The following PCDH15 variants were observed in gnomAD, a reference collection of about 807,000 sequenced individuals.
PCDH15 encodes the protein protocadherin-15.
PCDH15 carries 129 observed loss-of-function variants against 178.5 expected under a neutral mutation model. That is an observed-to-expected ratio of 0.72 (90% CI 0.63 to 0.84). The LOEUF is 0.84. Among genes scored for constraint, PCDH15 ranks in the 40% least tolerant of loss-of-function variants. The probability of loss-of-function intolerance (pLI) is 0.00; values close to 1 mark genes in which losing one functional copy is unlikely to be tolerated. For synonymous variants in PCDH15, 800 were observed against 732.0 expected, an observed-to-expected ratio of 1.09 and a Z score of -1.50; for missense variants, 2,230 against 2,099.9, an observed-to-expected ratio of 1.06 and a Z score of -1.21.
intron 2 of PCDH15, among the ~76,000 whole-genome samples, chr10:55,141,546 A>G (rs1044743665): frequency 6.6e-6 from 1 of 152,120 alleles, no homozygotes; most frequent in African/African-American, 2.4e-5. Context: ...TGCATTTTCT[A>G]ATACTAATTA....
intron 3 of PCDH15, among the ~76,000 whole-genome samples, chr10:54,835,883 T>G (rs866462318): frequency 2.0e-5 from 3 of 152,084 alleles, no homozygotes; most frequent in Admixed American, 1.3e-4. Context: ...AGATACGGTA[T>G]TTTTTTAAAA....
chr10:53,916,803 A>G (rs2083564268), intron 25 of PCDH15, among the ~76,000 whole-genome samples: 1 of 152,128 alleles, frequency 6.6e-6, no homozygotes, highest in Non-Finnish European at 1.5e-5. Context: ...TACATAAATA[A>G]CCAGATTAAA....
At chr10:55,362,659 T>A (rs528842034) in intron 2 of PCDH15, among the ~76,000 whole-genome samples, 1 of 152,060 alleles carries the variant, frequency 6.6e-6, no homozygotes, top group South Asian at 2.1e-4. Context: ...TGTGTGTGTG[T>A]GTGCACATGC....
At chr10:54,291,190 A>G (rs991210591) in intron 8 of PCDH15, among the ~76,000 whole-genome samples, 1 of 152,192 alleles carries the variant, frequency 6.6e-6, no homozygotes, top group African/African-American at 2.4e-5. Flanking sequence ...GCACAACTAC[A>G]AGGAAACTGA....
intron 13 of PCDH15, among the ~76,000 whole-genome samples, chr10:54,173,160 C>G (rs996520462): frequency 1.3e-5 from 2 of 152,102 alleles, no homozygotes; most frequent in African/African-American, 4.8e-5. Flanking sequence ...GTGCTAAACA[C>G]TTAATAATGT....
At chr10:53,960,676 A>G (rs1589635289) in intron 22 of PCDH15, among the ~76,000 whole-genome samples, 1 of 152,208 alleles carries the variant, frequency 6.6e-6, no homozygotes, top group African/African-American at 2.4e-5. Flanking sequence ...AATTCAACCT[A>G]GATCACAGAA....
intron 1 of PCDH15, among the ~76,000 whole-genome samples, chr10:55,194,582 G>C (rs1490105675): frequency 6.6e-6 from 1 of 151,916 alleles, no homozygotes; most frequent in African/African-American, 2.4e-5. Flanking sequence ...TTCAAAGCAA[G>C]GATACTTGCT....
At chr10:53,818,186 A>G (rs1588907803) in intron 33 of PCDH15, 173 bp from the exon 34 acceptor site, 1 of 383,546 alleles carries the variant, frequency 2.6e-6, no homozygotes, top group East Asian at 3.7e-5. Context: ...AAACAGGAAG[A>G]TCATGGTTTC....
chr10:54,867,761 G>A (rs780417966), intron 3 of PCDH15, among the ~76,000 whole-genome samples: 8 of 151,862 alleles, frequency 5.3e-5, no homozygotes, highest in Non-Finnish European at 1.0e-4. Flanking sequence ...CCAAAACATC[G>A]AGTTTATTTC....
intron 1 of PCDH15, among the ~76,000 whole-genome samples, chr10:55,210,661 G>T (rs1353379588): frequency 9.7e-6 from 1 of 103,512 alleles, no homozygotes; most frequent in Non-Finnish European, 1.8e-5. Context: ...ACGGAATCTC[G>T]CTCTGTCGCC....
intron 2 of PCDH15, among the ~76,000 whole-genome samples, chr10:55,058,838 C>A (rs1203608754): frequency 7.2e-5 from 11 of 152,126 alleles, no homozygotes; most frequent in Admixed American, 5.9e-4. Context: ...ATGGATTGAA[C>A]TTCACAAAAC....
At chr10:54,706,187 C>A (rs1314832935) in intron 1 of PCDH15, among the ~76,000 whole-genome samples, 1 of 152,090 alleles carries the variant, frequency 6.6e-6, no homozygotes, top group Non-Finnish European at 1.5e-5. Flanking sequence ...ATTTGATATT[C>A]CAAATAGTTT....
rs186789205 is a variant in PCDH15, at chr10:54,299,342, G to T, written c.876+17929C>A. 2.8e-3 allele frequency among the ~76,000 whole-genome samples: 431 copies of T among 151,462 alleles called. 4 individuals are homozygous for T. Among genetic ancestry groups the T allele is most frequent in the Non-Finnish European group, 4.7e-3 (318 of 67,554 alleles). On this transcript the variant is annotated intron_variant, in intron 8 of 37. Coordinates refer to ENST00000644397, the MANE Select transcript of PCDH15 (RefSeq NM_001384140.1). ...CAGAAAGAGAAAGACAGACAAAGAAGAGAGAGACAGACAAGAAGTCAAAGA... is the reference window on the plus strand; with the variant it reads ...CAGAAAGAGAAAGACAGACAAAGAATAGAGAGACAGACAAGAAGTCAAAGA...
chr10:54,985,089 G>A lies in PCDH15; in HGVS notation c.-79-87589C>T, dbSNP rs533958173. On this transcript the variant is annotated intron_variant, in intron 2 of 5. Coordinates refer to the PCDH15 transcript ENST00000458638. Reference sequence around the variant, plus strand: ...TGACCTATATGTTAGGCTAAACCACGTGTAAAAATGAAGATATTAGAGTAT... The same window carrying A: ...TGACCTATATGTTAGGCTAAACCACATGTAAAAATGAAGATATTAGAGTAT... Among the ~76,000 whole-genome samples, 184 of 152,238 alleles carry A rather than the reference G, an allele frequency of 1.2e-3. 1 individual carries two copies. Among genetic ancestry groups the A allele is most frequent in the South Asian group, 2.3e-3 (11 of 4,820 alleles).
At chr10:54,387,636 C>A (rs1950081063) in intron 3 of PCDH15, among the ~76,000 whole-genome samples, 1 of 152,182 alleles carries the variant, frequency 6.6e-6, no homozygotes, top group South Asian at 2.1e-4. Context: ...ATCACCACAT[C>A]CAGACAATGA....
intron 13 of PCDH15, among the ~76,000 whole-genome samples, chr10:54,153,700 A>C (rs1177774210): frequency 6.6e-6 from 1 of 152,146 alleles, no homozygotes; most frequent in East Asian, 1.9e-4. Flanking sequence ...GAAAAAATGA[A>C]ATAGGCATAG....
At chr10:54,583,591 C>A (rs2091226238) in intron 2 of PCDH15, among the ~76,000 whole-genome samples, 1 of 151,938 alleles carries the variant, frequency 6.6e-6, no homozygotes. Context: ...TAATGGTATC[C>A]AAACACATAG....
chr10:54,449,276 A>G (rs1293421913), intron 3 of PCDH15, among the ~76,000 whole-genome samples: 1 of 151,734 alleles, frequency 6.6e-6, no homozygotes, highest in Non-Finnish European at 1.5e-5. Flanking sequence ...TAAGTAATAA[A>G]TTTGTTTCAT....
chr10:54,372,971 G>GA (rs1259513393), intron 4 of PCDH15, among the ~76,000 whole-genome samples: 1 of 150,442 alleles, frequency 6.6e-6, no homozygotes. Context: ...AGTATGAAGA[G>GA]AAAAAATTTT....
Sources: allele counts gnomAD v4.1 joint callset (sites outside exome capture counted in the v4.1 genomes callset), GRCh38; gene constraint gnomAD v4.1.1; transcripts MANE v1.5; gene names NCBI Gene and HGNC (gene_info 2026-07-23, HGNC 2026-07-21).